MANEA: variants seen among roughly 807,000 people sequenced by gnomAD.
MANEA encodes glycoprotein endo-alpha-1,2-mannosidase.
Under a neutral mutation model 36.8 loss-of-function variants are expected in MANEA, and 25 were observed. The ratio of observed to expected loss-of-function variants is 0.68; its 90% CI spans 0.50 to 0.95. The LOEUF is 0.95. Among genes scored for constraint, MANEA ranks in the 40% least tolerant of loss-of-function variants. MANEA has a pLI of 0.00. For synonymous variants in MANEA, 198 were observed against 188.5 expected, an observed-to-expected ratio of 1.05 and a Z score of -0.41; for missense variants, 565 against 558.8, an observed-to-expected ratio of 1.01 and a Z score of -0.11.
rs138502673 is a variant in MANEA at position 95,586,669 on chromosome 6, A to G, written c.230A>G (p.Lys77Arg). Reference protein sequence around the residue: ...INSETNTKNLKSVEITMKPSK... With the variant: ...INSETNTKNLRSVEITMKPSK... ...AGTGAAACAAATACCAAGAATTTAA[A>G]AAGTGTTGAAATCACTATGAAACCT... The change falls in exon 2 of 5, where the codon AAA becomes AGA. Residue 77 changes from lysine (K) to arginine (R), a missense_variant. Transcript: ENST00000358812. 1.7e-5 allele frequency: 27 copies of G among 1,614,108 alleles called. No individual in the cohort carries two copies. Among genetic ancestry groups the G allele is most frequent in the Middle Eastern group, 3.3e-4 (2 of 6,060 alleles).
In MANEA at chr6:95,606,398, T is replaced by TA; in HGVS notation, c.1382_1383insA (p.Ser462PhefsTer5). The TA allele has an allele frequency of 6.3e-7, 1 of 1,589,450 alleles. No homozygotes were observed. On this transcript the variant is annotated frameshift_variant, in exon 5 of 5. Transcript: ENST00000358812. LOFTEE classifies it high-confidence loss of function. ...TATGCATTAGATCGCCAGCTGCCTG[T>TA]TTCTTAATGCATTGATTAAAGTTTA...
intron 1 of MANEA, among the ~76,000 whole-genome samples, chr6:95,580,331 G>A (rs886430084): frequency 1.3e-5 from 2 of 152,042 alleles, no homozygotes; most frequent in Non-Finnish European, 2.9e-5. Context: ...GATATGTTAT[G>A]CTCTACTAGA....
At position 95,596,776 on chromosome 6, in the gene MANEA, A is replaced by G; in HGVS notation, c.584A>G (p.Asp195Gly). The change falls in exon 3 of 5, where the codon GAT becomes GGT. Residue 195 changes from aspartate to glycine, a missense_variant. By Grantham distance (94) the Asp-to-Gly change is moderately conservative (BLOSUM62 -1). Coordinates refer to ENST00000358812, the MANE Select transcript of MANEA (RefSeq NM_024641.4). The stretch of plus-strand genomic sequence containing the variant: ...TCTTGGTACCCACCTGATGTAAATG[A>G]TGAAAATGGAGAACCTACTGATAAC... Reference protein sequence around the residue: ...ALSWYPPDVNDENGEPTDNLV... With the variant: ...ALSWYPPDVNGENGEPTDNLV... The G allele has an allele frequency of 1.2e-6, 2 of 1,608,908 alleles. No homozygotes were observed. The highest frequency in any genetic ancestry group is 1.3e-5 in the African/African-American group (1 of 74,906).
At chr6:95,600,493 G>T (rs1389282966) in intron 3 of MANEA, among the ~76,000 whole-genome samples, 1 of 152,190 alleles carries the variant, frequency 6.6e-6, no homozygotes, top group African/African-American at 2.4e-5. Flanking sequence ...TTGTGGAACA[G>T]ACATTTTTCC....
chr6:95,579,233 CG>C (rs1194624288), intron 1 of MANEA, among the ~76,000 whole-genome samples: 3 of 152,098 alleles, frequency 2.0e-5, no homozygotes, highest in Admixed American at 6.5e-5. Flanking sequence ...ATTAGCTGGG[CG>C]TCGTAGCGTG....
At chr6:95,592,623 AT>A (rs1431487823) in intron 2 of MANEA, among the ~76,000 whole-genome samples, 2 of 152,214 alleles carry the variant, frequency 1.3e-5, no homozygotes, top group African/African-American at 4.8e-5. Flanking sequence ...CTATGAACAC[AT>A]AACAAGTTTT....
Position 95,604,877 on chromosome 6 carries a change from CA to C in MANEA, c.710del (p.Asn237MetfsTer6). On this transcript the variant is annotated frameshift_variant, in exon 4 of 5. Transcript: ENST00000358812. LOFTEE classifies it high-confidence loss of function. ...GCAATCGAGATGATCAAAACATGTACAAAAATGTCAAGTATATTATAGACAA... is the reference window on the plus strand; with the variant it reads ...GCAATCGAGATGATCAAAACATGTACAAAATGTCAAGTATATTATAGACAA... ...YSNRDDQNMY[K>X]NVKYIIDKYG... 1 of 1,462,982 alleles carries C rather than the reference CA, an allele frequency of 6.8e-7. No individual in the cohort carries two copies. Among genetic ancestry groups the C allele is most frequent in the Admixed American group, 2.1e-5 (1 of 48,194 alleles). The allele number at this position is 1,462,982 out of a possible 1,614,324, so 90.6% of individuals were successfully genotyped here. A position where few individuals can be genotyped will look rare whatever the true frequency, so the allele number is the denominator to read the frequency against.
intron 1 of MANEA, among the ~76,000 whole-genome samples, chr6:95,580,868 G>A (rs1193706324): frequency 1.3e-5 from 2 of 152,034 alleles, no homozygotes; most frequent in African/African-American, 4.8e-5. Context: ...GAAGGTGACT[G>A]GTATTTCAAT....
At chr6:95,589,317 TTGAC>T (rs796256710) in intron 2 of MANEA, among the ~76,000 whole-genome samples, 20 of 152,264 alleles carry the variant, frequency 1.3e-4, no homozygotes, top group African/African-American at 4.3e-4. Context: ...TGTTGTATGG[TTGAC>T]TGTGCTTTGA....
In MANEA at chr6:95,607,096, T is replaced by C. The variant is rs903029686; in HGVS notation, c.*691T>C. 6.6e-5 allele frequency: 10 copies of C among 152,124 alleles called. No individual in the cohort carries two copies. The highest frequency in any genetic ancestry group is 4.6e-4 in the Admixed American group (7 of 15,248). The allele number at this position is 152,124 out of a possible 1,614,324, so 9.4% of individuals were successfully genotyped here. A position where few individuals can be genotyped will look rare whatever the true frequency, so the allele number is the denominator to read the frequency against. On this transcript the variant is annotated 3_prime_UTR_variant, in exon 5 of 5. Coordinates refer to ENST00000358812, the MANE Select transcript of MANEA (RefSeq NM_024641.4). ...TACAGCACAGTGTGTCATTTGCAGA[T>C]TTGTGGTTACCTATACCACGCTAGG...
chr6:95,586,833 G>A lies in MANEA; in HGVS notation c.394G>A (p.Asp132Asn). 1 of 1,613,926 alleles carries A rather than the reference G, an allele frequency of 6.2e-7. No homozygotes were observed. Among genetic ancestry groups the A allele is most frequent in the Non-Finnish European group, 8.5e-7 (1 of 1,179,892 alleles). The change falls in exon 2 of 5, where the codon GAC becomes AAC. Residue 132 changes from aspartate (D) to asparagine (N), a missense_variant. Coordinates refer to ENST00000358812, the MANE Select transcript of MANEA (RefSeq NM_024641.4). ...GAATCATCCAGTGTTAGAGCATTGG[G>A]ACCCTAGAATAGCCAAGAATTATCC... ...HWNHPVLEHW[D>N]PRIAKNYPQG...
intron 2 of MANEA, among the ~76,000 whole-genome samples, chr6:95,591,464 CT>C (rs1430377680): frequency 6.6e-6 from 1 of 151,790 alleles, no homozygotes; most frequent in Non-Finnish European, 1.5e-5. Flanking sequence ...TTAAAAAAAT[CT>C]TTTTATATCC....
chr6:95,606,239 GA>G lies in MANEA; in HGVS notation c.1225del (p.Thr409LeufsTer17). On this transcript the variant is annotated frameshift_variant, in exon 5 of 5. Coordinates refer to ENST00000358812, the MANE Select transcript of MANEA (RefSeq NM_024641.4). LOFTEE classifies it high-confidence loss of function. The part of the protein sequence containing the change: ...SITSFNEWHE[G>X]TQIEKAVPKR... ...ACCTCTTTTAATGAGTGGCATGAAG[GA>G]ACTCAGATTGAAAAAGCTGTTCCCA... is the stretch of plus-strand genomic sequence containing the variant. 1.9e-6 allele frequency: 3 copies of G among 1,613,844 alleles called. No individual in the cohort carries two copies. The highest frequency in any genetic ancestry group is 2.5e-6 in the Non-Finnish European group (3 of 1,179,938).
intron 1 of MANEA, among the ~76,000 whole-genome samples, chr6:95,582,608 G>C (rs1163940683): frequency 6.6e-6 from 1 of 152,136 alleles, no homozygotes; most frequent in Non-Finnish European, 1.5e-5. Flanking sequence ...AAATAAGCAG[G>C]TATGTTAACA....
chr6:95,605,878 C>CG lies in MANEA; in HGVS notation c.864dup (p.Ser289GlufsTer8). 1 of 1,613,914 alleles carries CG rather than the reference C, an allele frequency of 6.2e-7. No individual in the cohort carries two copies. ...CAATCTGTTAACCACCTCAGGGTCT[C>CG]GGAGTATTCGCAATTCTCCTTATGA... On this transcript the variant is annotated frameshift_variant, in exon 5 of 5. Coordinates refer to ENST00000358812, the MANE Select transcript of MANEA (RefSeq NM_024641.4). LOFTEE classifies it high-confidence loss of function.
In MANEA at chr6:95,584,044, T is replaced by G. The variant is rs1466359658; in HGVS notation, c.-38-2358T>G. ...ATTTATCACTTCCCTAAGAATACTC[T>G]TATAATTTCTTATGCCTGTCTTACT... On this transcript the variant is annotated intron_variant, in intron 1 of 4. Transcript: ENST00000358812. Among the ~76,000 whole-genome samples, 5 of 152,168 alleles carry G rather than the reference T, an allele frequency of 3.3e-5. No individual in the cohort carries two copies. In the East Asian group the frequency reaches 9.6e-4, roughly 29 times the overall value.
In MANEA at chr6:95,587,005, A is replaced by ATGTG. The variant is rs112818736; in HGVS notation, c.544+26_544+29dup. The ATGTG allele has an allele frequency of 2.2e-4, 289 of 1,337,258 alleles. 3 individuals carry two copies. The highest frequency in any genetic ancestry group is 6.5e-4 in the East Asian group (27 of 41,762). The allele number at this position is 1,337,258 out of a possible 1,614,324, so 82.8% of individuals were successfully genotyped here. A position where few individuals can be genotyped will look rare whatever the true frequency, so the allele number is the denominator to read the frequency against. ...ATTGGTAATTATTGTATATATATATATGTGTGTTTGTGTCTGTATATATGC... is the reference window on the plus strand; with the variant it reads ...ATTGGTAATTATTGTATATATATATATGTGTGTGTGTTTGTGTCTGTATATATGC... On this transcript the variant is annotated intron_variant, in intron 2 of 4. Coordinates refer to ENST00000358812, the MANE Select transcript of MANEA (RefSeq NM_024641.4).
chr6:95,579,520 T>C (rs1769141762), intron 1 of MANEA, among the ~76,000 whole-genome samples: 1 of 152,192 alleles, frequency 6.6e-6, no homozygotes, highest in Non-Finnish European at 1.5e-5. Flanking sequence ...TCTTCTAGTA[T>C]TGAGTTATAT....
intron 1 of MANEA, among the ~76,000 whole-genome samples, chr6:95,580,382 A>G (rs958703517): frequency 1.3e-5 from 2 of 152,182 alleles, no homozygotes; most frequent in African/African-American, 4.8e-5. Flanking sequence ...TTAAGGAGCA[A>G]TCTAGTAGGT....
Sources: gnomAD v4.1 joint callset for allele counts (sites outside exome capture counted in the v4.1 genomes callset) on GRCh38, gnomAD v4.1.1 for gene constraint, MANE v1.5 for transcripts, NCBI Gene and HGNC (gene_info 2026-07-23, HGNC 2026-07-21) for gene names.